The following GPR19 variants were observed in gnomAD, a reference collection of about 807,000 sequenced individuals.
GPR19 encodes the protein G protein-coupled receptor 19, also known as probable G protein-coupled receptor 19.
A neutral mutation model predicts 28.5 loss-of-function variants in GPR19; 14 were observed. The observed-to-expected ratio is 0.49, with a 90% confidence interval of 0.32 to 0.77. The LOEUF is 0.77. Ranked by LOEUF, GPR19 falls within the 30% of genes least tolerant of loss-of-function variation. GPR19 has a pLI of 0.03. For synonymous variants in GPR19, 173 were observed against 184.1 expected (o/e 0.94, Z 0.49); for missense variants, 409 against 504.1 (o/e 0.81, Z 1.81).
At chr12:12,704,658 T>C in the GPR19 span, among the ~76,000 whole-genome samples, 1 of 152,226 alleles carries the variant, frequency 6.6e-6, no homozygotes, top group Admixed American at 6.5e-5. Flanking sequence ...CTCTTGTGTA[T>C]GCATTTAGAA....
At chr12:12,699,914 A>T (rs1048288725), upstream of GPR19, among the ~76,000 whole-genome samples, 1 of 152,162 alleles carries the variant, frequency 6.6e-6, no homozygotes, top group Non-Finnish European at 1.5e-5. Context: ...AGTTCCAAAC[A>T]TCATGTTCTC....
rs116979563 is a variant in GPR19 at position 12,661,579 on chromosome 12, C to A, written c.870G>T (p.Leu290=). The change falls in exon 4 of 4, where the codon CTG becomes CTT. Residue 290 remains leucine (L), a synonymous_variant. Coordinates refer to ENST00000651487, the MANE Select transcript of GPR19 (RefSeq NM_006143.3). This position sits in a 1 kb window ranked among gnomAD's most constrained non-coding sequence, Gnocchi z 4.2. ...GCCATAGCTGAGCTACATGAAAAGG[C>A]AGCCAGGAGAGCAAAAACAACAGAT... is the stretch of plus-strand genomic sequence containing the variant. The part of the protein sequence containing the change: ...ILNLLFLLSW[L]PFHVAQLWHP... 2.5e-3 allele frequency: 4,052 copies of A among 1,614,052 alleles called. 26 individuals are homozygous for A. Among genetic ancestry groups the A allele is most frequent in the Non-Finnish European group, 2.1e-3 (2,492 of 1,179,948 alleles).
the GPR19 span, among the ~76,000 whole-genome samples, chr12:12,706,506 ATG>A: frequency 1.3e-5 from 2 of 152,140 alleles, no homozygotes; most frequent in Admixed American, 6.5e-5. Context: ...ACATTTCCAA[ATG>A]TGTATCTCCA....
chr12:12,708,337 C>T, the GPR19 span, among the ~76,000 whole-genome samples: 1 of 152,088 alleles, frequency 6.6e-6, no homozygotes, highest in Non-Finnish European at 1.5e-5. Context: ...AAATTTTCAT[C>T]TAAGTAAAAT....
rs59519930 is a variant in GPR19 at position 12,663,428 on chromosome 12, CA to C, written c.-22-959del. ...TGGGCAACATAGCAAGACCCTATCT[CA>C]AAAAAAAAAAAAGTAACTTAAAATT... On this transcript the variant is annotated intron_variant, in intron 3 of 3. Transcript: ENST00000651487. Among the ~76,000 whole-genome samples the C allele has an allele frequency of 4.2e-3, 608 of 145,734 alleles. 3 individuals carry two copies. Among genetic ancestry groups the C allele is most frequent in the African/African-American group, 0.014 (538 of 39,538 alleles).
chr12:12,706,271 C>T, the GPR19 span, among the ~76,000 whole-genome samples: 114 of 152,284 alleles, frequency 7.5e-4, no homozygotes, highest in African/African-American at 2.6e-3. Flanking sequence ...TCATGCTTTC[C>T]TCCTTGGAAC....
intron 3 of GPR19, among the ~76,000 whole-genome samples, chr12:12,674,517 G>A (rs1945903717): frequency 6.6e-6 from 1 of 152,162 alleles, no homozygotes; most frequent in Non-Finnish European, 1.5e-5. Flanking sequence ...GTTTATATGT[G>A]ATGGGGTTAG....
In GPR19 at chr12:12,662,409, A is replaced by G; in HGVS notation, c.40T>C (p.Leu14=). 3 of 1,614,146 alleles carry G rather than the reference A, an allele frequency of 1.9e-6. No homozygotes were observed. The South Asian group carries it at 3.3e-5, about 18-fold the overall frequency. Reference sequence around the variant, plus strand: ...GGCACCAGAAGTGTAGGAATAATCAAATGTGGCTTGCTGTTATCCATTCTG... The same window carrying G: ...GGCACCAGAAGTGTAGGAATAATCAGATGTGGCTTGCTGTTATCCATTCTG... The part of the protein sequence containing the change: ...AHRMDNSKPH[L]IIPTLLVPLQ... Residue 14 remains leucine, a synonymous_variant, in exon 4 of 4, where the codon TTG becomes CTG. Coordinates refer to ENST00000651487, the MANE Select transcript of GPR19 (RefSeq NM_006143.3).
In GPR19 at chr12:12,662,566, A is replaced by G. The variant is rs547632630; in HGVS notation, c.-22-96T>C. ...GCTAACGATCTTATTTGACATTTAC[A>G]TTGATTGTCATTTGTCTTTGTGTAG... On this transcript the variant is annotated intron_variant, in intron 3 of 3. Transcript: ENST00000651487. The G allele has an allele frequency of 3.1e-5, 28 of 915,490 alleles. No homozygotes were observed. In the East Asian group the frequency reaches 5.2e-4, roughly 17 times the overall value. 56.7% of individuals were successfully genotyped at this position (915,490 alleles called of 1,614,324 possible). A position where few individuals can be genotyped will look rare whatever the true frequency, so the allele number is the denominator to read the frequency against.
At chr12:12,714,630 T>G in the GPR19 span, among the ~76,000 whole-genome samples, 2 of 152,144 alleles carry the variant, frequency 1.3e-5, no homozygotes, top group Non-Finnish European at 2.9e-5. Flanking sequence ...AGCAGTGCAG[T>G]GTAGAGCTTT....
At chr12:12,693,928 C>T (rs1946221464) in intron 2 of GPR19, among the ~76,000 whole-genome samples, 1 of 152,078 alleles carries the variant, frequency 6.6e-6, no homozygotes, top group Non-Finnish European at 1.5e-5. Flanking sequence ...GTCTCAAGCT[C>T]CTGACCTCGT....
At chr12:12,677,056 G>A (rs1179870936) in intron 3 of GPR19, among the ~76,000 whole-genome samples, 2 of 152,188 alleles carry the variant, frequency 1.3e-5, no homozygotes, top group East Asian at 1.9e-4. Flanking sequence ...CACTGAGCAG[G>A]AAGTTACTAA....
Position 12,679,734 on chromosome 12 carries a change from C to T in GPR19, c.-23+4617G>A, listed in dbSNP as rs550325672. On this transcript the variant is annotated intron_variant, in intron 3 of 3. Coordinates refer to ENST00000651487, the MANE Select transcript of GPR19 (RefSeq NM_006143.3). ...CACCACGACAAAGAATTATCTGGCCCCAAATGCCAATAGTGCTAAGGTTGA... is the reference window on the plus strand; with the variant it reads ...CACCACGACAAAGAATTATCTGGCCTCAAATGCCAATAGTGCTAAGGTTGA... Among the ~76,000 whole-genome samples the T allele has an allele frequency of 1.4e-4, 21 of 152,088 alleles. No individual in the cohort carries two copies. In the South Asian group the frequency reaches 2.7e-3, roughly 20 times the overall value.
chr12:12,697,914 T>G (rs989412385), upstream of GPR19, among the ~76,000 whole-genome samples: 3 of 152,056 alleles, frequency 2.0e-5, no homozygotes, highest in African/African-American at 7.3e-5. Flanking sequence ...TGAAAATCGG[T>G]TTTCCAAGCC....
At chr12:12,676,196 T>A (rs1945928685) in intron 3 of GPR19, among the ~76,000 whole-genome samples, 1 of 152,234 alleles carries the variant, frequency 6.6e-6, no homozygotes. Context: ...ATTCTGATTA[T>A]AAGCACTGAA....
the GPR19 span, chr12:12,716,842 G>A: frequency 1.0e-6 from 1 of 984,036 alleles, no homozygotes; most frequent in Admixed American, 6.1e-5. Context: ...GCCGGCGGGG[G>A]GGCGCCCAGC....
In GPR19 at chr12:12,661,138, G is replaced by T; in HGVS notation, c.*63C>A. On this transcript the variant is annotated 3_prime_UTR_variant, in exon 4 of 4. Transcript: ENST00000651487. This position sits in a 1 kb window ranked among gnomAD's most constrained non-coding sequence, Gnocchi z 4.2. ...TTGAGTGAAAACAAATATGTAAATA[G>T]CTTCTGTTTTTATAGTTAAAGCTTT... is the stretch of plus-strand genomic sequence containing the variant. 8.9e-7 allele frequency: 1 copy of T among 1,126,096 alleles called. No individual in the cohort carries two copies. Among genetic ancestry groups the T allele is most frequent in the Non-Finnish European group, 1.3e-6 (1 of 796,566 alleles). The allele number at this position is 1,126,096 out of a possible 1,614,324, so 69.8% of individuals were successfully genotyped here. A position where few individuals can be genotyped will look rare whatever the true frequency, so the allele number is the denominator to read the frequency against.
chr12:12,715,312 A>G, the GPR19 span, among the ~76,000 whole-genome samples: 1 of 152,232 alleles, frequency 6.6e-6, no homozygotes, highest in Admixed American at 6.5e-5. Context: ...TCTGCAGTCC[A>G]ATAAATTGAC....
intron 3 of GPR19, among the ~76,000 whole-genome samples, 186 bp from the exon 4 acceptor site, chr12:12,662,656 T>A (rs1413672936): frequency 6.6e-6 from 1 of 152,242 alleles, no homozygotes; most frequent in Non-Finnish European, 1.5e-5. Flanking sequence ...AACTTTGTTT[T>A]CATTTTAGGA....
Sources: allele counts gnomAD v4.1 joint callset (sites outside exome capture counted in the v4.1 genomes callset), GRCh38; gene constraint gnomAD v4.1.1; non-coding constraint Gnocchi (gnomAD v3.1); transcripts MANE v1.5; gene names NCBI Gene and HGNC (gene_info 2026-07-23, HGNC 2026-07-21).